Variants in SEC11A observed in about 807,000 individuals in gnomAD.
SEC11A encodes the protein SEC11 homolog A, signal peptidase complex subunit.
SEC11A carries 14 observed loss-of-function variants against 25.6 expected under a neutral mutation model. The observed-to-expected ratio is 0.55, with a 90% CI of 0.36 to 0.85. SEC11A has a LOEUF of 0.85. Among genes scored for constraint, SEC11A ranks in the 40% least tolerant of loss-of-function variants. The pLI is 0.01. For synonymous variants in SEC11A, 83 were observed against 76.4 expected, an observed-to-expected ratio of 1.09 and a Z score of -0.45; for missense variants, 153 against 222.9, an observed-to-expected ratio of 0.69 and a Z score of 2.00.
intron 1 of SEC11A, among the ~76,000 whole-genome samples, chr15:84,715,481 G>A (rs964812234): frequency 1.3e-5 from 2 of 152,192 alleles, no homozygotes; most frequent in Admixed American, 6.6e-5. Context: ...AGGGCAAGTA[G>A]TGTAACTGTT....
chr15:84,709,405 T>C (rs1898194554), intron 1 of SEC11A, among the ~76,000 whole-genome samples: 1 of 152,094 alleles, frequency 6.6e-6, no homozygotes, highest in African/African-American at 2.4e-5. Flanking sequence ...GTTAATATTC[T>C]TATGTTAAGA....
Position 84,712,076 on chromosome 15 carries a change from A to G in SEC11A, c.51+3949T>C, listed in dbSNP as rs143923080. On this transcript the variant is annotated intron_variant, in intron 1 of 5. Coordinates refer to ENST00000268220, the MANE Select transcript of SEC11A (RefSeq NM_014300.4). Reference sequence around the variant, plus strand: ...GGCAGAATAGCGAGACTCCATCTCTACAAAAAATACAAAAATTAGCCAGGC... The same window carrying G: ...GGCAGAATAGCGAGACTCCATCTCTGCAAAAAATACAAAAATTAGCCAGGC... Among the ~76,000 whole-genome samples the G allele has an allele frequency of 4.0e-3, 602 of 152,146 alleles. 6 individuals carry two copies. The highest frequency in any genetic ancestry group is 0.024 in the Middle Eastern group (7 of 294).
intron 3 of SEC11A, among the ~76,000 whole-genome samples, chr15:84,683,510 C>A (rs1229911859): frequency 6.6e-6 from 1 of 152,098 alleles, no homozygotes; most frequent in Non-Finnish European, 1.5e-5. Context: ...TATTCTTCAT[C>A]TACTTAGTGA....
At chr15:84,705,933 T>C (rs1348720664) in intron 1 of SEC11A, among the ~76,000 whole-genome samples, 1 of 151,678 alleles carries the variant, frequency 6.6e-6, no homozygotes, top group Non-Finnish European at 1.5e-5. Flanking sequence ...TATTTTGAGA[T>C]GGAGTCTTGC....
chr15:84,676,200 A>C (rs1454305083), intron 4 of SEC11A, among the ~76,000 whole-genome samples: 4 of 152,204 alleles, frequency 2.6e-5, no homozygotes, highest in Non-Finnish European at 4.4e-5. Context: ...AAATTATTTT[A>C]ATTTAGAGCC....
chr15:84,711,556 G>A (rs888029921), intron 1 of SEC11A, among the ~76,000 whole-genome samples: 1 of 152,046 alleles, frequency 6.6e-6, no homozygotes, highest in African/African-American at 2.4e-5. Context: ...AGTGGCTCAT[G>A]CCTGTAACCC....
At chr15:84,711,916 A>G (rs1898283047) in intron 1 of SEC11A, among the ~76,000 whole-genome samples, 1 of 152,170 alleles carries the variant, frequency 6.6e-6, no homozygotes, top group South Asian at 2.1e-4. Flanking sequence ...ACTAAGAAAG[A>G]ATACAAGCAG....
chr15:84,685,242 T>C (rs1055545445), intron 3 of SEC11A, among the ~76,000 whole-genome samples: 30 of 152,124 alleles, frequency 2.0e-4, no homozygotes, highest in Non-Finnish European at 5.9e-5. Flanking sequence ...CTATGACTCA[T>C]TCAATTTCTT....
chr15:84,687,281 T>C (rs548541014), intron 3 of SEC11A, among the ~76,000 whole-genome samples: 3 of 152,216 alleles, frequency 2.0e-5, no homozygotes, highest in Non-Finnish European at 4.4e-5. Context: ...CCCAAAGTAC[T>C]GGGATTGTAG....
chr15:84,700,943 G>C (rs577148959), intron 1 of SEC11A, among the ~76,000 whole-genome samples: 2 of 133,026 alleles, frequency 1.5e-5, no homozygotes, highest in Non-Finnish European at 3.0e-5. Context: ...TCACGCCATT[G>C]CATGTACTCC....
intron 2 of SEC11A, among the ~76,000 whole-genome samples, chr15:84,690,439 T>C (rs1354094438): frequency 6.6e-6 from 1 of 151,974 alleles, no homozygotes; most frequent in Non-Finnish European, 1.5e-5. Flanking sequence ...AATGGACTAA[T>C]ACACCGTCTC....
At chr15:84,679,868 G>A (rs959487784) in intron 4 of SEC11A, 5 of 1,190,640 alleles carry the variant, frequency 4.2e-6, no homozygotes, top group South Asian at 4.0e-5. Flanking sequence ...GTGAGTTATT[G>A]TTAATACTAT....
In SEC11A at chr15:84,687,757, G is replaced by C. The variant is rs1897472452; in HGVS notation, c.179C>G (p.Ala60Gly). Residue 60 changes from alanine (A) to glycine (G), a missense_variant, in exon 3 of 6, where the codon GCA becomes GGA. Physicochemically the swap from Ala to Gly is moderately conservative, Grantham distance 60. Transcript: ENST00000268220. ...AAAGAGAAGATCTCCTCTATGAAATGCAGGTTCCATGCTGCCACTGGAAGG... is the reference window on the plus strand; with the variant it reads ...AAAGAGAAGATCTCCTCTATGAAATCCAGGTTCCATGCTGCCACTGGAAGG... Reference protein sequence around the residue: ...VVVLSGSMEPAFHRGDLLFLT... With the variant: ...VVVLSGSMEPGFHRGDLLFLT... The C allele has an allele frequency of 6.3e-7, 1 of 1,596,788 alleles. No homozygotes were observed. Among genetic ancestry groups the C allele is most frequent in the East Asian group, 2.3e-5 (1 of 44,292 alleles).
intron 4 of SEC11A, among the ~76,000 whole-genome samples, chr15:84,678,860 G>A (rs1234863845): frequency 6.6e-6 from 1 of 151,992 alleles, no homozygotes; most frequent in Admixed American, 6.6e-5. Context: ...TGGGTGTGGT[G>A]ACACACACCT....
chr15:84,709,238 C>A (rs1032566091), intron 1 of SEC11A, among the ~76,000 whole-genome samples: 5 of 151,806 alleles, frequency 3.3e-5, no homozygotes. Context: ...CTATGTTGAC[C>A]AGGCTAGACT....
At chr15:84,701,263 A>G (rs1897932036) in intron 1 of SEC11A, among the ~76,000 whole-genome samples, 2 of 151,902 alleles carry the variant, frequency 1.3e-5, no homozygotes, top group African/African-American at 4.8e-5. Context: ...ACTTGAGCCT[A>G]TGAGTTTGAG....
intron 3 of SEC11A, among the ~76,000 whole-genome samples, chr15:84,685,354 C>T (rs1285645733): frequency 6.6e-6 from 1 of 151,674 alleles, no homozygotes; most frequent in Admixed American, 6.6e-5. Flanking sequence ...ACCTCCTGGG[C>T]TCAAGTGATC....
At position 84,691,510 on chromosome 15, in the gene SEC11A, ATGCC is replaced by A. The variant is rs1897605837; in HGVS notation, c.161+21_161+24del. ...CTCCCAAGTAATGCCATGCAATTCCATGCCTTGAAAGGAAAAACTGTTACCTGAG... is the reference window on the plus strand; with the variant it reads ...CTCCCAAGTAATGCCATGCAATTCCATTGAAAGGAAAAACTGTTACCTGAG... On this transcript the variant is annotated intron_variant, in intron 2 of 5. Transcript: ENST00000268220. 6.1e-6 allele frequency: 8 copies of A among 1,319,542 alleles called. 1 individual carries two copies. In the South Asian group the frequency reaches 9.7e-5, roughly 16 times the overall value. The allele number at this position is 1,319,542 out of a possible 1,614,324, so 81.7% of individuals were successfully genotyped here. A position where few individuals can be genotyped will look rare whatever the true frequency, so the allele number is the denominator to read the frequency against.
chr15:84,683,516 A>G (rs1342588343), intron 3 of SEC11A, among the ~76,000 whole-genome samples: 1 of 152,190 alleles, frequency 6.6e-6, no homozygotes, highest in Non-Finnish European at 1.5e-5. Context: ...TCATCTACTT[A>G]GTGAAACAAA....
Sources: allele counts gnomAD v4.1 joint callset (sites outside exome capture counted in the v4.1 genomes callset), GRCh38; gene constraint gnomAD v4.1.1; transcripts MANE v1.5; gene names NCBI Gene and HGNC (gene_info 2026-07-23, HGNC 2026-07-21).